The following WDR4 variants were observed in gnomAD, a reference collection of about 807,000 sequenced individuals.
WDR4 encodes the protein WDR4 tRNA N7-guanosine methyltransferase non-catalytic subunit.
Under a neutral mutation model 48.6 loss-of-function variants are expected in WDR4, and 47 were observed. The observed-to-expected ratio is 0.97, with a 90% confidence interval of 0.77 to 1.23. WDR4 has a LOEUF of 1.23. Among genes scored for constraint, WDR4 ranks in the 50% most tolerant of loss-of-function variants. WDR4 has a pLI of 0.00. For synonymous variants in WDR4, 268 were observed against 230.0 expected, an observed-to-expected ratio of 1.17 and a Z score of -1.49; for missense variants, 606 against 551.6, an observed-to-expected ratio of 1.10 and a Z score of -0.99.
chr21:42,880,806 T>C (rs1402274237), upstream of WDR4, among the ~76,000 whole-genome samples: 1 of 152,188 alleles, frequency 6.6e-6, no homozygotes, highest in African/African-American at 2.4e-5. Context: ...TTTTTCACTC[T>C]AAACTGTTCT....
Position 42,862,357 on chromosome 21 carries a change from T to A in WDR4, c.491A>T (p.Asp164Val), listed in dbSNP as rs1555976610. 19 of 1,611,594 alleles carry A rather than the reference T, an allele frequency of 1.2e-5. No individual in the cohort carries two copies. The highest frequency in any genetic ancestry group is 1.6e-5 in the Non-Finnish European group (19 of 1,179,040). ...SPDDRFILTA[D>V]RDEKIRVSWA... ...GCTGACTCGGATCTTCTCGTCCCGG[T>A]CGGCAGTGAGGATGAAGCGGTCATC... Residue 164 changes from aspartate (D) to valine (V), a missense_variant, in exon 5 of 11, where the codon GAC (aspartate) becomes GTC (valine). Physicochemically the swap from Asp to Val is radical, Grantham distance 152. Coordinates refer to ENST00000398208, the MANE Select transcript of WDR4 (RefSeq NM_018669.6). The surrounding 1 kb of genome is among the most constrained non-coding windows in gnomAD (Gnocchi z 4.3).
At position 42,853,764 on chromosome 21, in the gene WDR4, G is replaced by C; in HGVS notation, c.792-12C>G. 1.9e-6 allele frequency: 3 copies of C among 1,547,386 alleles called. No individual in the cohort carries two copies. The highest frequency in any genetic ancestry group is 1.2e-5 in the South Asian group (1 of 84,138). ...AGACCACAGGAGTGCTTGCCACGAA[G>C]AAAGAGAGCATGATTACTAGGACTG... On this transcript the variant is annotated splice_polypyrimidine_tract_variant and intron_variant, in intron 8 of 10. Coordinates refer to ENST00000398208, the MANE Select transcript of WDR4 (RefSeq NM_018669.6).
At chr21:42,874,032 C>T (rs368024147) in intron 2 of WDR4, among the ~76,000 whole-genome samples, 15 of 152,144 alleles carry the variant, frequency 9.9e-5, no homozygotes, top group African/African-American at 3.4e-4. Flanking sequence ...ATACTAATAA[C>T]AGGCCAGGTA....
At chr21:42,879,884 A>C, upstream of WDR4, 1 of 400,458 alleles carries the variant, frequency 2.5e-6, no homozygotes, top group Admixed American at 4.4e-5. Context: ...TCCTTCAAGA[A>C]GTGAATGAAC....
Position 42,852,688 on chromosome 21 carries a change from G to A in WDR4, c.976-364C>T, listed in dbSNP as rs188467349. Among the ~76,000 whole-genome samples, 10 of 152,332 alleles carry A rather than the reference G, an allele frequency of 6.6e-5. No individual in the cohort carries two copies. The East Asian group carries it at 1.9e-3, about 29-fold the overall frequency. Reference sequence around the variant, plus strand: ...CCCAGCACTTTGGGAGGCCAAGGCGGGCGGATCACCTGAGGGTGGGAGTTC... The same window carrying A: ...CCCAGCACTTTGGGAGGCCAAGGCGAGCGGATCACCTGAGGGTGGGAGTTC... On this transcript the variant is annotated intron_variant, in intron 9 of 10. Coordinates refer to ENST00000398208, the MANE Select transcript of WDR4 (RefSeq NM_018669.6).
At chr21:42,859,556 A>ATCCAGGG in intron 6 of WDR4, 106 bp downstream of exon 6, 21 of 587,032 alleles carry the variant, frequency 3.6e-5, no homozygotes, top group Non-Finnish European at 5.2e-5. Flanking sequence ...AGCCACAGCC[A>ATCCAGGG]GCCAGGGGCC....
At chr21:42,854,491 G>A (rs931987803) in intron 8 of WDR4, 71 bp downstream of exon 8, 2 of 1,515,488 alleles carry the variant, frequency 1.3e-6, no homozygotes, top group Non-Finnish European at 1.8e-6. Flanking sequence ...GTGGGCCAGT[G>A]GCCAACCCGC....
chr21:42,846,744 G>T (rs528597837), downstream of WDR4, among the ~76,000 whole-genome samples: 13 of 152,186 alleles, frequency 8.5e-5, no homozygotes, highest in South Asian at 2.5e-3. Flanking sequence ...ACAATAGATT[G>T]GGTGCAGTGG....
rs2058139558 is a variant in WDR4, at chr21:42,862,383, A to G, written c.465T>C (p.Pro155=). ...CGGCAGTGAGGATGAAGCGGTCATCAGGACTCACAGCCTGCATCACCAGGG... is the reference window on the plus strand; with the variant it reads ...CGGCAGTGAGGATGAAGCGGTCATCGGGACTCACAGCCTGCATCACCAGGG... ...LSMLLDVAVS[P]DDRFILTADR... The change falls in exon 5 of 11, where the codon CCT becomes CCC. Residue 155 remains proline (P), a synonymous_variant. Coordinates refer to ENST00000398208, the MANE Select transcript of WDR4 (RefSeq NM_018669.6). This position sits in a 1 kb window ranked among gnomAD's most constrained non-coding sequence, Gnocchi z 4.3. 3 of 1,606,672 alleles carry G rather than the reference A, an allele frequency of 1.9e-6. No homozygotes were observed. In the East Asian group the frequency reaches 6.7e-5, roughly 36 times the overall value.
upstream of WDR4, chr21:42,879,543 T>A (rs764691796): frequency 1.2e-6 from 2 of 1,602,460 alleles, no homozygotes; most frequent in Non-Finnish European, 1.7e-6. Context: ...CCAGAGCCTC[T>A]TCCTGTCCGC....
At chr21:42,881,254 C>T (rs1370658342), upstream of WDR4, among the ~76,000 whole-genome samples, 4 of 152,138 alleles carry the variant, frequency 2.6e-5, no homozygotes, top group East Asian at 7.7e-4. Context: ...CAGCATTATT[C>T]TTAAGGCCAT....
chr21:42,863,530 G>A lies in WDR4; in HGVS notation c.363C>T (p.Asp121=). The A allele has an allele frequency of 6.2e-7, 1 of 1,614,038 alleles. No homozygotes were observed. The highest frequency in any genetic ancestry group is 8.5e-7 in the Non-Finnish European group (1 of 1,179,998). Reference sequence around the variant, plus strand: ...AAAAGGAGTAGACGTCTCCAGACTTGTCGGCCACCAAGACCTTCTCCTCCG... The same window carrying A: ...AAAAGGAGTAGACGTCTCCAGACTTATCGGCCACCAAGACCTTCTCCTCCG... ...IASEEKVLVA[D]KSGDVYSFSV... The change falls in exon 4 of 11, where the codon GAC becomes GAT. Residue 121 remains aspartate (D), a synonymous_variant. Coordinates refer to ENST00000398208, the MANE Select transcript of WDR4 (RefSeq NM_018669.6).
chr21:42,871,694 C>T (rs374802765), intron 3 of WDR4, among the ~76,000 whole-genome samples: 15 of 152,220 alleles, frequency 9.9e-5, no homozygotes, highest in African/African-American at 3.4e-4. Flanking sequence ...GAAACCATCA[C>T]TGCCTATGGG....
At chr21:42,859,072 C>G (rs1483015784) in intron 6 of WDR4, among the ~76,000 whole-genome samples, 1 of 152,084 alleles carries the variant, frequency 6.6e-6, no homozygotes, top group African/African-American at 2.4e-5. Flanking sequence ...TGTAAGGCTT[C>G]CAGGACCCAA....
At chr21:42,872,425 T>C (rs1436855567) in intron 3 of WDR4, among the ~76,000 whole-genome samples, 1 of 149,722 alleles carries the variant, frequency 6.7e-6, no homozygotes, top group African/African-American at 2.5e-5. Context: ...GCCTGGCCAA[T>C]GTGGTGAAAC....
intron 2 of WDR4, 107 bp from the exon 3 acceptor site, chr21:42,873,798 T>A: frequency 7.3e-7 from 1 of 1,372,998 alleles, no homozygotes; most frequent in Non-Finnish European, 9.9e-7. Context: ...TAGAAACTGT[T>A]AAGGGGATCA....
rs530261817 is a variant in WDR4 at position 42,875,622 on chromosome 21, A to T, written c.155+1080T>A. Among the ~76,000 whole-genome samples the T allele has an allele frequency of 2.0e-5, 3 of 152,284 alleles. No individual in the cohort carries two copies. In the South Asian group the frequency reaches 6.2e-4, roughly 32 times the overall value. ...ACTTAGGGGGATGAGGCGGGAGATC[A>T]CCTGAACCCAGGAGGTCGAGGCTGC... On this transcript the variant is annotated intron_variant, in intron 2 of 10. Coordinates refer to ENST00000398208, the MANE Select transcript of WDR4 (RefSeq NM_018669.6).
intron 8 of WDR4, 113 bp downstream of exon 8, chr21:42,854,449 C>T: frequency 1.0e-5 from 11 of 1,068,492 alleles, no homozygotes; most frequent in Non-Finnish European, 1.3e-5. Context: ...TAGACCAATA[C>T]CACCACCGTT....
intron 5 of WDR4, among the ~76,000 whole-genome samples, chr21:42,860,250 ACT>A (rs1277971996): frequency 2.0e-5 from 3 of 151,832 alleles, no homozygotes; most frequent in African/African-American, 7.3e-5. Context: ...CTCAGCAACA[ACT>A]CTGAGTGACC....
Sources: allele counts gnomAD v4.1 joint callset (sites outside exome capture counted in the v4.1 genomes callset), GRCh38; gene constraint gnomAD v4.1.1; non-coding constraint Gnocchi (gnomAD v3.1); transcripts MANE v1.5; gene names NCBI Gene and HGNC (gene_info 2026-07-23, HGNC 2026-07-21).